Variants in ANO10 observed in about 807,000 individuals in gnomAD.
ANO10 encodes the protein anoctamin 10.
In ANO10, 77 loss-of-function variants were observed where a neutral mutation model predicts 74.7. The observed-to-expected ratio is 1.03, with a 90% confidence interval of 0.86 to 1.25. The LOEUF (loss-of-function observed/expected upper bound fraction) is 1.25, where lower values mean the gene tolerates loss of function less well. ANO10 is among the 50% of genes most tolerant of loss of function. The probability of loss-of-function intolerance (pLI) is 0.00; values close to 1 mark genes in which losing one functional copy is unlikely to be tolerated. For missense variants in ANO10, 721 were observed against 778.1 expected (o/e 0.93, Z 0.87); for synonymous variants, 279 against 284.9 (o/e 0.98, Z 0.21).
chr3:43,527,755 AG>A (rs1329024354), intron 11 of ANO10, among the ~76,000 whole-genome samples: 1 of 152,208 alleles, frequency 6.6e-6, no homozygotes, highest in East Asian at 1.9e-4. Flanking sequence ...ATAGAGATCT[AG>A]CGATATTGGA....
chr3:43,647,019 C>T (rs139089180), intron 1 of ANO10, among the ~76,000 whole-genome samples: 436 of 152,150 alleles, frequency 2.9e-3, no homozygotes, highest in African/African-American at 1.0e-2. Context: ...AAATTCTCTT[C>T]GACCTTCCAA....
At chr3:43,416,865 G>A (rs528249959) in intron 12 of ANO10, among the ~76,000 whole-genome samples, 13 of 152,268 alleles carry the variant, frequency 8.5e-5, no homozygotes, top group African/African-American at 3.1e-4. Context: ...TCAATGCAAT[G>A]GATCAAAAGA....
chr3:43,604,513 T>C (rs1286507926), intron 2 of ANO10, among the ~76,000 whole-genome samples: 1 of 152,096 alleles, frequency 6.6e-6, no homozygotes, highest in Non-Finnish European at 1.5e-5. Context: ...TCTTTTTTTT[T>C]TTTGGTCCAT....
chr3:43,684,496 G>A (rs2084247507), intron 1 of ANO10, among the ~76,000 whole-genome samples: 1 of 152,182 alleles, frequency 6.6e-6, no homozygotes, highest in Non-Finnish European at 1.5e-5. Flanking sequence ...CTGTAAACTC[G>A]TTCAACCATT....
At chr3:43,461,554 T>C (rs1441673416) in intron 11 of ANO10, among the ~76,000 whole-genome samples, 2 of 152,168 alleles carry the variant, frequency 1.3e-5, no homozygotes, top group Non-Finnish European at 2.9e-5. Flanking sequence ...ATCCCTGTGG[T>C]GTTCTCATGT....
chr3:43,445,547 A>C (rs2093232348), intron 11 of ANO10, among the ~76,000 whole-genome samples: 1 of 152,214 alleles, frequency 6.6e-6, no homozygotes, highest in Non-Finnish European at 1.5e-5. Flanking sequence ...CTAGGATTCC[A>C]AACAAACCAT....
intron 11 of ANO10, among the ~76,000 whole-genome samples, chr3:43,513,518 T>C (rs183913027): frequency 6.6e-5 from 10 of 152,232 alleles, no homozygotes; most frequent in Admixed American, 2.6e-4. Context: ...TATGAATTTT[T>C]TTTTCTTTTG....
At chr3:43,376,022 G>A (rs778268920) in intron 12 of ANO10, among the ~76,000 whole-genome samples, 1 of 152,180 alleles carries the variant, frequency 6.6e-6, no homozygotes, top group Non-Finnish European at 1.5e-5. Flanking sequence ...CCCCTTGGTG[G>A]TTCATTGCTG....
At chr3:43,660,649 C>T (rs190336529) in intron 1 of ANO10, among the ~76,000 whole-genome samples, 308 of 152,164 alleles carry the variant, frequency 2.0e-3, no homozygotes, top group African/African-American at 5.4e-3. Context: ...TTAGGGAGAA[C>T]GGAACCAAGT....
At chr3:43,507,566 C>A (rs1006030576) in intron 11 of ANO10, among the ~76,000 whole-genome samples, 13 of 151,194 alleles carry the variant, frequency 8.6e-5, no homozygotes, top group Admixed American at 6.6e-4. Context: ...GACCCCTTTA[C>A]AAGGGACAAA....
At chr3:43,464,050 C>T (rs963883693) in intron 11 of ANO10, among the ~76,000 whole-genome samples, 6 of 152,296 alleles carry the variant, frequency 3.9e-5, no homozygotes, top group Middle Eastern at 3.4e-3. Context: ...CTCTTCCTCG[C>T]CTTCCGCCAT....
chr3:43,561,351 A>T lies in ANO10; in HGVS notation c.1345T>A (p.Ser449Thr), dbSNP rs1179487940. 1.9e-6 allele frequency: 3 copies of T among 1,614,080 alleles called. No individual in the cohort carries two copies. Among genetic ancestry groups the T allele is most frequent in the African/African-American group, 1.3e-5 (1 of 74,944 alleles). ...CTTTGGAGCCAATAAGGAAGAAAAG[A>T]TTCCATAATTTGGTTGAGGATCTGG... ...TSQILNQIME[S>T]FLPYWLQRKH... The change falls in exon 9 of 13, where the codon TCT becomes ACT. Residue 449 changes from serine to threonine, a missense_variant. Coordinates refer to ENST00000292246, the MANE Select transcript of ANO10 (RefSeq NM_018075.5).
rs1271808630 is a variant in ANO10, at chr3:43,555,412, A to G, written c.1534T>C (p.Ser512Pro). Reference protein sequence around the residue: ...FLQFGYVSLFSCVYPLAAAFA... With the variant: ...FLQFGYVSLFPCVYPLAAAFA... The stretch of plus-strand genomic sequence containing the variant: ...GCAGCTGCTAATGGGTAAACACAGG[A>G]GAAAAGGCTCACATAACCAAACTGC... The change falls in exon 10 of 13, where the codon TCC (serine) becomes CCC (proline). Residue 512 changes from serine (S) to proline (P), a missense_variant. By Grantham distance (74) the Ser-to-Pro change is moderately conservative. Coordinates refer to ENST00000292246, the MANE Select transcript of ANO10 (RefSeq NM_018075.5). 1.2e-6 allele frequency: 2 copies of G among 1,614,208 alleles called. No homozygotes were observed. The highest frequency in any genetic ancestry group is 1.7e-6 in the Non-Finnish European group (2 of 1,180,032).
intron 11 of ANO10, among the ~76,000 whole-genome samples, chr3:43,545,529 C>T (rs1470438651): frequency 6.6e-6 from 1 of 152,096 alleles, no homozygotes; most frequent in Non-Finnish European, 1.5e-5. Context: ...CCATGCCCGG[C>T]TAATTTTTGT....
In ANO10 at chr3:43,419,761, C is replaced by T. The variant is rs187917416; in HGVS notation, c.1914+12850G>A. On this transcript the variant is annotated intron_variant, in intron 12 of 12. Coordinates refer to ENST00000292246, the MANE Select transcript of ANO10 (RefSeq NM_018075.5). ...GAACTCCTGACCTCAAACAATCCAC[C>T]CACCTCGGCCTCCCAAAGTGCTGGG... Among the ~76,000 whole-genome samples the T allele has an allele frequency of 1.0e-3, 157 of 152,222 alleles. 2 individuals are homozygous for T. Among genetic ancestry groups the T allele is most frequent in the Middle Eastern group, 6.8e-3 (2 of 294 alleles).
At chr3:43,480,139 G>A (rs1015915638) in intron 11 of ANO10, among the ~76,000 whole-genome samples, 10 of 152,138 alleles carry the variant, frequency 6.6e-5, no homozygotes, top group Non-Finnish European at 4.4e-5. Flanking sequence ...TTCAATAGAA[G>A]AATTGGGAAA....
At chr3:43,586,823 T>C (rs965373449) in intron 4 of ANO10, among the ~76,000 whole-genome samples, 5 of 151,616 alleles carry the variant, frequency 3.3e-5, no homozygotes. Context: ...AAGAGAAAAA[T>C]AAATCTGTTA....
At chr3:43,578,749 C>CAAAAAAAAAAAAAAAAAA (rs56186109) in intron 5 of ANO10, among the ~76,000 whole-genome samples, 6 of 64,442 alleles carry the variant, frequency 9.3e-5, no homozygotes, top group African/African-American at 1.5e-4. Context: ...GACTCCATCT[C>CAAAAAAAAAAAAAAAAAA]AAAAAAAAAA....
Position 43,605,813 on chromosome 3 carries a change from A to C in ANO10, c.40T>G (p.Ser14Ala). 6.2e-7 allele frequency: 1 copy of C among 1,613,842 alleles called. No individual in the cohort carries two copies. Among genetic ancestry groups the C allele is most frequent in the Non-Finnish European group, 8.5e-7 (1 of 1,179,788 alleles). ...TLSALDTSES[S>A]FTPLVVIELA... ...TCTATGACCACCAAAGGTGTGAAAG[A>C]ACTCTCAGAAGTATCCAAAGCTGAT... The change falls in exon 2 of 13, where the codon TCT becomes GCT. Residue 14 changes from serine (S) to alanine (A), a missense_variant. Ser to Ala is a moderately conservative substitution (Grantham distance 99, BLOSUM62 1). Coordinates refer to ENST00000292246, the MANE Select transcript of ANO10 (RefSeq NM_018075.5).
Sources: allele counts gnomAD v4.1 joint callset (sites outside exome capture counted in the v4.1 genomes callset), GRCh38; gene constraint gnomAD v4.1.1; transcripts MANE v1.5; gene names NCBI Gene and HGNC (gene_info 2026-07-23, HGNC 2026-07-21).